The following KCNMA1 variants were observed in gnomAD, a reference collection of about 807,000 sequenced individuals.
KCNMA1 encodes Calcium-activated potassium channel subunit alpha-1.
A neutral mutation model predicts 140.0 loss-of-function variants in KCNMA1; 29 were observed. That is an observed-to-expected ratio of 0.21 (90% CI 0.15 to 0.28). KCNMA1 has a LOEUF of 0.28. Among genes scored for constraint, KCNMA1 ranks in the 10% least tolerant of loss-of-function variants. KCNMA1 has a pLI of 1.00. For missense variants in KCNMA1, 880 were observed against 1,602.2 expected (o/e 0.55, Z 7.70); for synonymous variants, 612 against 611.9 (o/e 1.00, Z 0.00).
rs532644356 is a variant in KCNMA1 at position 77,294,055 on chromosome 10, C to T, written c.541-42799G>A. Among the ~76,000 whole-genome samples, 13 of 152,368 alleles carry T rather than the reference C, an allele frequency of 8.5e-5. No homozygotes were observed. In the South Asian group the frequency reaches 1.9e-3, roughly 22 times the overall value. ...TTCCTCCCAGAATAGCCCGCCACTGCGGTACTCAAATCAAAGTCTCGACAC... is the reference window on the plus strand; with the variant it reads ...TTCCTCCCAGAATAGCCCGCCACTGTGGTACTCAAATCAAAGTCTCGACAC... On this transcript the variant is annotated intron_variant, in intron 2 of 27. Coordinates refer to ENST00000286628, the MANE Select transcript of KCNMA1 (RefSeq NM_001161352.2).
chr10:76,910,534 C>G (rs897436117), intron 24 of KCNMA1: 1 of 283,916 alleles, frequency 3.5e-6, no homozygotes, highest in African/African-American at 2.2e-5. Flanking sequence ...GAGTAAAGAG[C>G]GCTGGAAGGG....
intron 1 of KCNMA1, among the ~76,000 whole-genome samples, chr10:77,570,749 A>AC (rs202100835): frequency 6.7e-6 from 1 of 150,194 alleles, no homozygotes; most frequent in Non-Finnish European, 1.5e-5. Context: ...ATAATAAAAA[A>AC]AAGAAATTAC....
chr10:77,401,518 T>G (rs2154461228), intron 2 of KCNMA1, among the ~76,000 whole-genome samples: 1 of 152,264 alleles, frequency 6.6e-6, no homozygotes, highest in East Asian at 1.9e-4. Context: ...TTCCCCAGAC[T>G]TTGGGGTCTG....
At chr10:77,039,966 T>C (rs1243651814) in intron 14 of KCNMA1, among the ~76,000 whole-genome samples, 1 of 133,224 alleles carries the variant, frequency 7.5e-6, no homozygotes, top group Non-Finnish European at 1.5e-5. Context: ...CACTGAAGCC[T>C]TGGACACCTG....
At chr10:77,377,469 C>T (rs1270008372) in intron 2 of KCNMA1, among the ~76,000 whole-genome samples, 1 of 152,072 alleles carries the variant, frequency 6.6e-6, no homozygotes, top group Admixed American at 6.6e-5. Context: ...GGCAGGCAGG[C>T]GTCGACTAGA....
chr10:76,914,048 G>T (rs2051575241), intron 24 of KCNMA1: 1 of 1,542,442 alleles, frequency 6.5e-7, no homozygotes. Flanking sequence ...GGAAAACAGT[G>T]CTTCTTACCC....
intron 1 of KCNMA1, among the ~76,000 whole-genome samples, chr10:77,467,138 T>C (rs1451966771): frequency 1.3e-5 from 2 of 152,168 alleles, no homozygotes; most frequent in Non-Finnish European, 1.5e-5. Context: ...ATGTGCACCA[T>C]CACCTCTCCT....
intron 5 of KCNMA1, among the ~76,000 whole-genome samples, chr10:77,176,923 G>T (rs1340912571): frequency 6.6e-6 from 1 of 152,120 alleles, no homozygotes; most frequent in African/African-American, 2.4e-5. Flanking sequence ...ATCCAGGTGG[G>T]CCCAATGTAA....
At chr10:77,057,472 TAATA>T (rs1308730665) in intron 14 of KCNMA1, among the ~76,000 whole-genome samples, 40 of 152,102 alleles carry the variant, frequency 2.6e-4, no homozygotes, top group Non-Finnish European at 4.9e-4. Flanking sequence ...ACAACAACAT[TAATA>T]AATATTAGAA....
In KCNMA1 at chr10:76,958,412, A is replaced by G. The variant is rs142907899; in HGVS notation, c.2361-4488T>C. Among the ~76,000 whole-genome samples the G allele has an allele frequency of 3.3e-5, 5 of 152,348 alleles. No homozygotes were observed. In the East Asian group the frequency reaches 9.6e-4, roughly 29 times the overall value. ...TTGTCACTTGCGACTTAGCCAATGT[A>G]CATGCCCTATTTTAGGGTAATAGAA... On this transcript the variant is annotated intron_variant, in intron 20 of 27. Transcript: ENST00000286628.
chr10:76,876,052 T>C (rs1040212009), downstream of KCNMA1: 1 of 152,592 alleles, frequency 6.6e-6, no homozygotes, highest in African/African-American at 2.4e-5. Context: ...CACGACTATA[T>C]TGGCTCTGCA....
At chr10:77,006,338 G>C (rs2088626263) in intron 18 of KCNMA1, among the ~76,000 whole-genome samples, 1 of 152,148 alleles carries the variant, frequency 6.6e-6, no homozygotes, top group African/African-American at 2.4e-5. Flanking sequence ...TCAGGTCACA[G>C]CCTCACTTTT....
chr10:77,339,748 C>T (rs563648816), intron 2 of KCNMA1, among the ~76,000 whole-genome samples: 1 of 152,372 alleles, frequency 6.6e-6, no homozygotes, highest in African/African-American at 2.4e-5. Flanking sequence ...TGAATAATCA[C>T]CTTCCAGCCT....
At chr10:77,266,357 A>C (rs1022416064) in intron 2 of KCNMA1, among the ~76,000 whole-genome samples, 1 of 152,172 alleles carries the variant, frequency 6.6e-6, no homozygotes, top group African/African-American at 2.4e-5. Flanking sequence ...TAAGACTTAG[A>C]GGGGAGAGAA....
At chr10:77,341,309 T>C (rs2090867826) in intron 2 of KCNMA1, among the ~76,000 whole-genome samples, 1 of 152,234 alleles carries the variant, frequency 6.6e-6, no homozygotes, top group African/African-American at 2.4e-5. Context: ...CACTTTCCCT[T>C]TCTGGGTCTA....
At position 76,886,317 on chromosome 10, in the gene KCNMA1, ATAAGG is replaced by A; in HGVS notation, c.*944_*948del. On this transcript the variant is annotated 3_prime_UTR_variant, in exon 28 of 28. Coordinates refer to ENST00000286628, the MANE Select transcript of KCNMA1 (RefSeq NM_001161352.2). ...TTCCTGAGCATTATTTATTCTGTACATAAGGTAAGTAATTCACCTTTTAAAAGATG... is the reference window on the plus strand; with the variant it reads ...TTCCTGAGCATTATTTATTCTGTACATAAGTAATTCACCTTTTAAAAGATG... 1 of 985,424 alleles carries A rather than the reference ATAAGG, an allele frequency of 1.0e-6. No individual in the cohort carries two copies. The highest frequency in any genetic ancestry group is 4.7e-5 in the South Asian group (1 of 21,288). 61.0% of individuals were successfully genotyped at this position (985,424 alleles called of 1,614,324 possible). A position where few individuals can be genotyped will look rare whatever the true frequency, so the allele number is the denominator to read the frequency against.
chr10:77,012,539 G>T, intron 17 of KCNMA1: 1 of 1,550,122 alleles, frequency 6.5e-7, no homozygotes, highest in Non-Finnish European at 8.7e-7. Flanking sequence ...CAGCCAAAGG[G>T]AGACAGAGTT....
chr10:77,554,372 A>C (rs745755206), intron 1 of KCNMA1, among the ~76,000 whole-genome samples: 16 of 152,238 alleles, frequency 1.1e-4, no homozygotes, highest in Middle Eastern at 3.4e-3. Flanking sequence ...CAAGGCAGGC[A>C]GCTCACTTGA....
chr10:77,012,088 C>T lies in KCNMA1; in HGVS notation c.2016-45G>A, dbSNP rs1285498257. 3 of 1,611,692 alleles carry T rather than the reference C, an allele frequency of 1.9e-6. No individual in the cohort carries two copies. The African/African-American group carries it at 4.0e-5, about 22-fold the overall frequency. On this transcript the variant is annotated intron_variant, in intron 17 of 27. Transcript: ENST00000286628. ...AAACTGACACGTTTCATAATCCACCCAAATGAAATGAGTACCACATTTCCT... is the reference window on the plus strand; with the variant it reads ...AAACTGACACGTTTCATAATCCACCTAAATGAAATGAGTACCACATTTCCT...
Sources: gnomAD v4.1 joint callset for allele counts (sites outside exome capture counted in the v4.1 genomes callset) on GRCh38, gnomAD v4.1.1 for gene constraint, MANE v1.5 for transcripts, NCBI Gene and HGNC (gene_info 2026-07-23, HGNC 2026-07-21) for gene names.